Variants in RBFOX3 observed in about 807,000 individuals in gnomAD.
RBFOX3 encodes RNA binding protein fox-1 homolog 3.
RBFOX3 carries 17 observed loss-of-function variants against 48.7 expected under a neutral mutation model. That is an observed-to-expected ratio of 0.35 (90% confidence interval 0.24 to 0.52). RBFOX3 has a LOEUF of 0.52. Among genes scored for constraint, RBFOX3 ranks in the 20% least tolerant of loss-of-function variants. The probability of loss-of-function intolerance (pLI) is 0.94; values close to 1 mark genes in which losing one functional copy is unlikely to be tolerated. For missense variants in RBFOX3, 382 were observed against 497.5 expected (o/e 0.77, Z 2.21); for synonymous variants, 212 against 209.5 (o/e 1.01, Z -0.10).
the RBFOX3 span, among the ~76,000 whole-genome samples, chr17:79,649,486 A>G: frequency 6.6e-6 from 1 of 152,328 alleles, no homozygotes; most frequent in Non-Finnish European, 1.5e-5. Flanking sequence ...CGAGTGGATC[A>G]CCTGAGGTCA....
chr17:79,091,480 C>T (rs1288288586), intron 14 of RBFOX3, among the ~76,000 whole-genome samples: 6 of 152,226 alleles, frequency 3.9e-5, no homozygotes, highest in Non-Finnish European at 8.8e-5. Context: ...AAGTGAGGTC[C>T]CAGCCAGTGT....
At chr17:79,611,370 A>C (rs1367556677), upstream of RBFOX3, among the ~76,000 whole-genome samples, 4 of 151,716 alleles carry the variant, frequency 2.6e-5, no homozygotes, top group Admixed American at 6.6e-5. Flanking sequence ...GGGGAGAGCC[A>C]TGACCGGGTG....
intron 1 of RBFOX3, among the ~76,000 whole-genome samples, chr17:79,584,947 A>G (rs1238985267): frequency 6.6e-6 from 1 of 151,830 alleles, no homozygotes; most frequent in Non-Finnish European, 1.5e-5. Context: ...TTGTATTTTT[A>G]GTAGAGACGG....
intron 2 of RBFOX3, among the ~76,000 whole-genome samples, chr17:79,351,929 G>A (rs991931306): frequency 2.6e-5 from 4 of 152,040 alleles, no homozygotes; most frequent in Admixed American, 6.5e-5. Flanking sequence ...CTAGAGAGTC[G>A]TTCAGGGCCT....
chr17:79,249,224 C>T lies in RBFOX3; in HGVS notation c.-73-13419G>A, dbSNP rs1452277321. On this transcript the variant is annotated intron_variant, in intron 3 of 14. Coordinates refer to ENST00000693108, the MANE Select transcript of RBFOX3 (RefSeq NM_001350451.2). This position sits in a 1 kb window ranked among gnomAD's most constrained non-coding sequence, Gnocchi z 4.1. ...TTGCTGGGGCGTCGAAAGCCAAGCGCGCTCAGGTCTTCAAAGCCACCGTTT... is the reference window on the plus strand; with the variant it reads ...TTGCTGGGGCGTCGAAAGCCAAGCGTGCTCAGGTCTTCAAAGCCACCGTTT... Among the ~76,000 whole-genome samples, 6 of 152,146 alleles carry T rather than the reference C, an allele frequency of 3.9e-5. No homozygotes were observed. Among genetic ancestry groups the T allele is most frequent in the African/African-American group, 7.2e-5 (3 of 41,440 alleles).
rs782328239 is a variant in RBFOX3 at position 79,443,186 on chromosome 17, G to A, written c.-175+39268C>T. On this transcript the variant is annotated intron_variant, in intron 2 of 14. Transcript: ENST00000693108. This position sits in a 1 kb window ranked among gnomAD's most constrained non-coding sequence, Gnocchi z 4.4. ...GGAACCCGAGGAAGTCAGATCAGCC[G>A]AAGGGGCCCAGCGTCCAGTCCAATC... is the stretch of plus-strand genomic sequence containing the variant. Among the ~76,000 whole-genome samples, 3 of 152,170 alleles carry A rather than the reference G, an allele frequency of 2.0e-5. No homozygotes were observed. The highest frequency in any genetic ancestry group is 7.2e-5 in the African/African-American group (3 of 41,442).
chr17:79,121,005 C>T (rs531098437), intron 4 of RBFOX3, among the ~76,000 whole-genome samples: 2 of 152,076 alleles, frequency 1.3e-5, no homozygotes, highest in African/African-American at 2.4e-5. Context: ...TCAGCTCTCA[C>T]GACCTGAATG....
At chr17:79,365,002 T>G (rs1162721280) in intron 2 of RBFOX3, among the ~76,000 whole-genome samples, 1 of 152,100 alleles carries the variant, frequency 6.6e-6, no homozygotes, top group African/African-American at 2.4e-5. Flanking sequence ...AAGGGCAGGA[T>G]GCTCCCTGGG....
rs2073706908 is a variant in RBFOX3 at position 79,090,686 on chromosome 17, C to G, written c.*197G>C. On this transcript the variant is annotated 3_prime_UTR_variant, in exon 15 of 15. Coordinates refer to ENST00000693108, the MANE Select transcript of RBFOX3 (RefSeq NM_001350451.2). Reference sequence around the variant, plus strand: ...CCTGTCCTGGGGCCGCTCCTCGGCGCCCCTGCCGGCGTGCTCCCTCGGTGC... The same window carrying G: ...CCTGTCCTGGGGCCGCTCCTCGGCGGCCCTGCCGGCGTGCTCCCTCGGTGC... The G allele has an allele frequency of 3.0e-6, 2 of 668,374 alleles. No homozygotes were observed. The highest frequency in any genetic ancestry group is 6.2e-5 in the Admixed American group (2 of 32,502). 41.4% of individuals were successfully genotyped at this position (668,374 alleles called of 1,614,324 possible).
intron 2 of RBFOX3, among the ~76,000 whole-genome samples, chr17:79,417,192 G>A (rs2065509913): frequency 6.6e-6 from 1 of 152,230 alleles, no homozygotes; most frequent in Non-Finnish European, 1.5e-5. Context: ...GGGGAGAGGA[G>A]AGAAGATAAC....
intron 2 of RBFOX3, among the ~76,000 whole-genome samples, chr17:79,476,288 C>T (rs1245855160): frequency 1.3e-5 from 2 of 152,384 alleles, no homozygotes; most frequent in Non-Finnish European, 2.9e-5. Flanking sequence ...GCCCACAGCG[C>T]CCTCTGCGAC....
chr17:79,219,747 T>A (rs1168476769), intron 4 of RBFOX3, among the ~76,000 whole-genome samples: 3 of 151,868 alleles, frequency 2.0e-5, no homozygotes, highest in Non-Finnish European at 2.9e-5. Flanking sequence ...TCACCACTCC[T>A]TCCCAGGGTC....
chr17:79,316,678 C>T (rs1373351818), intron 2 of RBFOX3, among the ~76,000 whole-genome samples: 3 of 152,176 alleles, frequency 2.0e-5, no homozygotes, highest in East Asian at 1.9e-4. Flanking sequence ...ATCTTACAGC[C>T]GAAATAGCAA....
intron 1 of RBFOX3, among the ~76,000 whole-genome samples, chr17:79,560,642 G>A (rs1013412754): frequency 6.6e-6 from 1 of 152,114 alleles, no homozygotes; most frequent in South Asian, 2.1e-4. Flanking sequence ...ATCTAAGCCT[G>A]CCAGCCAGTG....
intron 4 of RBFOX3, among the ~76,000 whole-genome samples, chr17:79,132,371 C>G (rs1006419645): frequency 2.0e-5 from 3 of 152,198 alleles, no homozygotes; most frequent in Non-Finnish European, 4.4e-5. Flanking sequence ...CCCGGATGAG[C>G]AGCGGCCTAC....
chr17:79,525,930 T>G (rs1437970595), intron 1 of RBFOX3, among the ~76,000 whole-genome samples: 1 of 152,130 alleles, frequency 6.6e-6, no homozygotes, highest in African/African-American at 2.4e-5. Context: ...CTGGATTCAG[T>G]AGGACGAGCT....
At chr17:79,428,824 C>T (rs1295592898) in intron 2 of RBFOX3, among the ~76,000 whole-genome samples, 3 of 152,220 alleles carry the variant, frequency 2.0e-5, no homozygotes, top group African/African-American at 4.8e-5. Context: ...GGGTAACCAT[C>T]GGTCTAATTT....
At chr17:79,415,016 C>T (rs1476467250) in intron 2 of RBFOX3, among the ~76,000 whole-genome samples, 5 of 152,158 alleles carry the variant, frequency 3.3e-5, no homozygotes, top group Admixed American at 3.3e-4. Context: ...GGCAGCCTCC[C>T]CAGCTCATCG....
chr17:79,545,106 G>A (rs1279281603), intron 1 of RBFOX3, among the ~76,000 whole-genome samples: 10 of 152,190 alleles, frequency 6.6e-5, no homozygotes, highest in South Asian at 2.1e-4. Context: ...AGACGGGGCC[G>A]CTCTACCTTT....
Sources: allele counts gnomAD v4.1 joint callset (sites outside exome capture counted in the v4.1 genomes callset), GRCh38; gene constraint gnomAD v4.1.1; non-coding constraint Gnocchi (gnomAD v3.1); transcripts MANE v1.5; gene names NCBI Gene and HGNC (gene_info 2026-07-23, HGNC 2026-07-21).